Variants in CEP63 observed in about 807,000 individuals in gnomAD.
The protein encoded by CEP63 is centrosomal protein 63.
In CEP63, 84 loss-of-function variants were observed where a neutral mutation model predicts 89.1. That is an observed-to-expected ratio of 0.94 (90% CI 0.79 to 1.13). The LOEUF is 1.13. Among genes scored for constraint, CEP63 ranks in the 50% most tolerant of loss-of-function variants. CEP63 has a pLI of 0.00. For synonymous variants in CEP63, 267 were observed against 272.5 expected (o/e 0.98, Z 0.20); for missense variants, 838 against 813.3 (o/e 1.03, Z -0.37).
the CEP63 span, among the ~76,000 whole-genome samples, chr3:134,736,877 A>C: frequency 2.0e-5 from 3 of 152,304 alleles, no homozygotes; most frequent in South Asian, 6.2e-4. Context: ...AGGAAGAATA[A>C]GGGGTGGCAA....
the CEP63 span, among the ~76,000 whole-genome samples, chr3:134,723,019 G>A: frequency 2.0e-5 from 3 of 152,174 alleles, no homozygotes; most frequent in Admixed American, 1.3e-4. Flanking sequence ...AGTCCACTCG[G>A]CTGTCCACAT....
chr3:134,610,232 C>T, the CEP63 span: 30 of 1,613,678 alleles, frequency 1.9e-5, no homozygotes, highest in East Asian at 2.9e-4. Flanking sequence ...TCCACCAGGC[C>T]GCTGCCCCAG....
At chr3:134,661,365 C>T in the CEP63 span, among the ~76,000 whole-genome samples, 1 of 152,236 alleles carries the variant, frequency 6.6e-6, no homozygotes, top group Non-Finnish European at 1.5e-5. Context: ...TCCATTCACC[C>T]ATTCTTTATT....
chr3:134,622,924 AC>A, the CEP63 span, among the ~76,000 whole-genome samples: 1 of 152,074 alleles, frequency 6.6e-6, no homozygotes, highest in East Asian at 1.9e-4. Flanking sequence ...TCACCTGCTG[AC>A]CACTGGCCCA....
chr3:134,650,685 G>C, the CEP63 span: 1 of 776,450 alleles, frequency 1.3e-6, no homozygotes, highest in Non-Finnish European at 2.0e-6. Flanking sequence ...CTGCGGGGAA[G>C]CGACGGCAGC....
chr3:134,745,754 A>G, the CEP63 span, among the ~76,000 whole-genome samples: 32 of 151,328 alleles, frequency 2.1e-4, no homozygotes, highest in African/African-American at 5.4e-4. Context: ...TCATTGTTCA[A>G]TTCCCACCTA....
In CEP63 at chr3:134,538,567, T is replaced by A. The variant is rs141930212; in HGVS notation, c.555+1299T>A. On this transcript the variant is annotated intron_variant, in intron 6 of 14. Coordinates refer to ENST00000675561, the MANE Select transcript of CEP63 (RefSeq NM_001353108.3). ...TATATATATATATGTATATATATAT[T>A]TTTTTAACAACAAAAAATTTTTTTT... Among the ~76,000 whole-genome samples the A allele has an allele frequency of 3.0e-3, 288 of 96,064 alleles. 1 individual carries two copies. The highest frequency in any genetic ancestry group is 6.3e-3 in the Middle Eastern group (1 of 160). 63.0% of individuals were successfully genotyped at this position (96,064 alleles called of 152,430 possible).
At chr3:134,542,419 T>A (rs1952227331) in intron 6 of CEP63, among the ~76,000 whole-genome samples, 1 of 152,166 alleles carries the variant, frequency 6.6e-6, no homozygotes, top group African/African-American at 2.4e-5. Context: ...GATAAGAGAA[T>A]CTTACTAGGA....
the CEP63 span, among the ~76,000 whole-genome samples, chr3:134,601,581 G>A: frequency 8.5e-5 from 13 of 152,186 alleles, no homozygotes; most frequent in Admixed American, 2.6e-4. Flanking sequence ...CCCTGTGGTG[G>A]TGCATAGCTG....
At chr3:134,628,179 A>C in the CEP63 span, 1 of 273,724 alleles carries the variant, frequency 3.7e-6, no homozygotes, top group Non-Finnish European at 7.1e-6. Flanking sequence ...ACTGCCAGAT[A>C]ATGCCGGGAT....
downstream of CEP63, among the ~76,000 whole-genome samples, chr3:134,579,651 G>A: frequency 6.6e-6 from 1 of 152,266 alleles, no homozygotes; most frequent in Middle Eastern, 3.4e-3. Context: ...TATTATGAAA[G>A]GGTAAGAGTT....
the CEP63 span, among the ~76,000 whole-genome samples, chr3:134,674,675 C>T: frequency 6.6e-6 from 1 of 152,034 alleles, no homozygotes; most frequent in Non-Finnish European, 1.5e-5. Flanking sequence ...TAATAAAAAT[C>T]CCAAGGAATC....
At chr3:134,746,394 G>T in the CEP63 span, among the ~76,000 whole-genome samples, 1 of 152,300 alleles carries the variant, frequency 6.6e-6, no homozygotes, top group South Asian at 2.1e-4. Flanking sequence ...GTGTGCATGT[G>T]TCTTTATAGT....
chr3:134,742,041 A>G, the CEP63 span, among the ~76,000 whole-genome samples: 4 of 152,046 alleles, frequency 2.6e-5, no homozygotes, highest in Non-Finnish European at 5.9e-5. Context: ...GGGTACAACC[A>G]TTGCAATGCA....
the CEP63 span, among the ~76,000 whole-genome samples, chr3:134,669,692 T>C: frequency 6.6e-6 from 1 of 152,322 alleles, no homozygotes; most frequent in South Asian, 2.1e-4. Context: ...TTTAGCTCCA[T>C]GGTTTCTGTA....
At chr3:134,684,248 T>C in the CEP63 span, among the ~76,000 whole-genome samples, 8 of 152,302 alleles carry the variant, frequency 5.3e-5, no homozygotes, top group Non-Finnish European at 1.0e-4. Flanking sequence ...CTGGGCTGAG[T>C]GTATGGTTCC....
chr3:134,580,176 CAG>C (rs1958311807), intron 10 of CEP63, among the ~76,000 whole-genome samples: 2 of 136,432 alleles, frequency 1.5e-5, no homozygotes, highest in Admixed American at 1.6e-4. Context: ...GCCTGGGCGA[CAG>C]AGTGAGACTC....
rs1307935444 is a variant in CEP63 at position 134,532,794 on chromosome 3, G to C, written c.335G>C (p.Arg112Thr). Residue 112 changes from arginine (R) to threonine (T), a missense_variant, in exon 5 of 15, where the codon AGA (arginine) becomes ACA (threonine). Coordinates refer to ENST00000675561, the MANE Select transcript of CEP63 (RefSeq NM_001353108.3). ...TTTCTACAGTTATGCATACTGAAGAGAAGCTATGAAAAGCTTCAGAAAAAG... is the reference window on the plus strand; with the variant it reads ...TTTCTACAGTTATGCATACTGAAGACAAGCTATGAAAAGCTTCAGAAAAAG... Reference protein sequence around the residue: ...KLHEELCILKRSYEKLQKKQM... With the variant: ...KLHEELCILKTSYEKLQKKQM... 1 of 1,604,826 alleles carries C rather than the reference G, an allele frequency of 6.2e-7. No homozygotes were observed.
In CEP63 at chr3:134,581,744, C is replaced by T. The variant is rs1405643818; in HGVS notation, c.1207-5714C>T. ...AGGCTGGAGTGCAGTGGCGCGATCT[C>T]GGCTCACTGCAAGCTCCGCCTCCCG... On this transcript the variant is annotated intron_variant, in intron 10 of 10. Coordinates refer to the CEP63 transcript ENST00000683931. Among the ~76,000 whole-genome samples the T allele has an allele frequency of 5.6e-4, 73 of 129,912 alleles. 1 individual carries two copies. The highest frequency in any genetic ancestry group is 3.6e-4 in the Non-Finnish European group (23 of 63,114). The allele number at this position is 129,912 out of a possible 152,430, so 85.2% of individuals were successfully genotyped here. A position where few individuals can be genotyped will look rare whatever the true frequency, so the allele number is the denominator to read the frequency against.
Sources: allele counts gnomAD v4.1 joint callset (sites outside exome capture counted in the v4.1 genomes callset), GRCh38; gene constraint gnomAD v4.1.1; transcripts MANE v1.5; gene names NCBI Gene and HGNC (gene_info 2026-07-23, HGNC 2026-07-21).